Variants in GALK2 observed in about 807,000 individuals in gnomAD.
GALK2 encodes galactokinase 2, also known as N-acetylgalactosamine kinase.
Under a neutral mutation model 52.4 loss-of-function variants are expected in GALK2, and 36 were observed. That is an observed-to-expected ratio of 0.69 (90% CI 0.53 to 0.91). The LOEUF (loss-of-function observed/expected upper bound fraction) is 0.91, where lower values mean the gene tolerates loss of function less well. Ranked by LOEUF, GALK2 falls within the 40% of genes least tolerant of loss-of-function variation. The pLI is 0.00. For missense variants in GALK2, 579 were observed against 559.1 expected (o/e 1.04, Z -0.36); for synonymous variants, 176 against 199.1 (o/e 0.88, Z 0.98).
intron 8 of GALK2, among the ~76,000 whole-genome samples, chr15:49,300,768 T>C (rs544816060): frequency 6.6e-6 from 1 of 152,300 alleles, no homozygotes; most frequent in African/African-American, 2.4e-5. Flanking sequence ...ATATGTTTGC[T>C]TCTCATTCCG....
chr15:49,324,975 A>G (rs1289923767), intron 9 of GALK2, among the ~76,000 whole-genome samples: 2 of 152,208 alleles, frequency 1.3e-5, no homozygotes, highest in Non-Finnish European at 2.9e-5. Flanking sequence ...GAATTTAAAT[A>G]CAAGGCATAA....
At chr15:49,337,507 ACTTTTT>A (rs1446860306) in intron 3 of GALK2, among the ~76,000 whole-genome samples, 6 of 22,990 alleles carry the variant, frequency 2.6e-4, no homozygotes, top group African/African-American at 1.1e-3. Flanking sequence ...TCATTTACCC[ACTTTTT>A]TTTTTTTTTT....
At chr15:49,177,159 T>G (rs988510047) in intron 1 of GALK2, among the ~76,000 whole-genome samples, 1 of 152,020 alleles carries the variant, frequency 6.6e-6, no homozygotes, top group Admixed American at 6.5e-5. Flanking sequence ...AAGAACCACC[T>G]TGTAATTTTT....
At chr15:49,306,326 A>C (rs2035542069) in intron 8 of GALK2, among the ~76,000 whole-genome samples, 1 of 152,104 alleles carries the variant, frequency 6.6e-6, no homozygotes, top group South Asian at 2.1e-4. Flanking sequence ...TAAATAACAT[A>C]AGTAGAGATA....
chr15:49,281,093 C>T (rs1266180016), intron 5 of GALK2, among the ~76,000 whole-genome samples: 1 of 152,176 alleles, frequency 6.6e-6, no homozygotes, highest in African/African-American at 2.4e-5. Context: ...CCTCGGCCTC[C>T]CAAAGTGCTG....
At chr15:49,364,458 G>T (rs1596567607) in intron 3 of GALK2, among the ~76,000 whole-genome samples, 1 of 151,964 alleles carries the variant, frequency 6.6e-6, no homozygotes, top group Non-Finnish European at 1.5e-5. Flanking sequence ...TGGTGGCAAT[G>T]TCTTGTCATT....
intron 3 of GALK2, among the ~76,000 whole-genome samples, chr15:49,348,635 C>G (rs1243976345): frequency 6.6e-6 from 1 of 152,152 alleles, no homozygotes; most frequent in African/African-American, 2.4e-5. Context: ...GTTTTGTTTA[C>G]TTTCTCCTTT....
chr15:49,317,572 G>A (rs1348748964), intron 8 of GALK2, among the ~76,000 whole-genome samples: 1 of 151,976 alleles, frequency 6.6e-6, no homozygotes, highest in Non-Finnish European at 1.5e-5. Flanking sequence ...TATACCCAAA[G>A]GACTATAAAT....
At position 49,331,027 on chromosome 15, in the gene GALK2, C is replaced by T. The variant is rs2038624958; in HGVS notation, c.*2868C>T. The stretch of plus-strand genomic sequence containing the variant: ...ACTGTCCTGTTTGTATATTATACAA[C>T]ACCCAGGTGTTTCACTCTTTCTATC... On this transcript the variant is annotated 3_prime_UTR_variant, in exon 10 of 10. Coordinates refer to ENST00000560031, the MANE Select transcript of GALK2 (RefSeq NM_002044.4). 1 of 152,192 alleles carries T rather than the reference C, an allele frequency of 6.6e-6. No homozygotes were observed. Among genetic ancestry groups the T allele is most frequent in the Non-Finnish European group, 1.5e-5 (1 of 68,056 alleles). 9.4% of individuals were successfully genotyped at this position (152,192 alleles called of 1,614,324 possible). A position where few individuals can be genotyped will look rare whatever the true frequency, so the allele number is the denominator to read the frequency against.
intron 3 of GALK2, among the ~76,000 whole-genome samples, chr15:49,340,418 C>CT: frequency 7.0e-6 from 1 of 143,732 alleles, no homozygotes; most frequent in Non-Finnish European, 1.5e-5. Context: ...CCCCCTCCCC[C>CT]CCCCGCTTTG....
At chr15:49,201,092 ATGTG>A in intron 1 of GALK2, 66 bp from the exon 2 acceptor site, 1 of 645,646 alleles carries the variant, frequency 1.5e-6, no homozygotes, top group Non-Finnish European at 2.8e-6. Context: ...GTGTGTATGT[ATGTG>A]TGTGTATGTT....
At chr15:49,276,924 G>A (rs1405946896) in intron 5 of GALK2, among the ~76,000 whole-genome samples, 1 of 64,522 alleles carries the variant, frequency 1.5e-5, no homozygotes, top group African/African-American at 6.0e-5. Flanking sequence ...TTTTTTTTTG[G>A]TTTTTGTTTT....
chr15:49,276,991 A>G (rs1595928074), intron 5 of GALK2, among the ~76,000 whole-genome samples: 1 of 95,482 alleles, frequency 1.0e-5, no homozygotes, highest in South Asian at 3.4e-4. Flanking sequence ...TTTTTTTGAG[A>G]CAGAGTCTCG....
chr15:49,291,395 C>T lies in GALK2; in HGVS notation c.757-932C>T, dbSNP rs2033920403. 1.3e-5 allele frequency among the ~76,000 whole-genome samples: 2 copies of T among 151,996 alleles called. 1 individual carries two copies. The highest frequency in any genetic ancestry group is 4.2e-4 in the South Asian group (2 of 4,812). ...AGAGTACAATAGTCTTTTGGTAAAC[C>T]CCGCTTCCTGTCAAAAAGAGAAAAT... On this transcript the variant is annotated intron_variant, in intron 7 of 9. Coordinates refer to ENST00000560031, the MANE Select transcript of GALK2 (RefSeq NM_002044.4).
At chr15:49,359,936 G>T (rs1469916007) in intron 3 of GALK2, among the ~76,000 whole-genome samples, 1 of 150,318 alleles carries the variant, frequency 6.7e-6, no homozygotes, top group African/African-American at 2.5e-5. Context: ...CATGTCCTTT[G>T]TATGGACATG....
chr15:49,341,313 A>C (rs572994497), intron 3 of GALK2, among the ~76,000 whole-genome samples: 1 of 152,310 alleles, frequency 6.6e-6, no homozygotes, highest in Non-Finnish European at 1.5e-5. Flanking sequence ...ATTGGATAGA[A>C]ATAGCATTGA....
intron 3 of GALK2, among the ~76,000 whole-genome samples, chr15:49,340,858 T>G (rs1288469297): frequency 6.6e-6 from 1 of 152,142 alleles, no homozygotes; most frequent in African/African-American, 2.4e-5. Context: ...TACAGAATGG[T>G]GTTTTCTAGG....
Position 49,328,918 on chromosome 15 carries a change from T to TA in GALK2, c.*765dup. The TA allele has an allele frequency of 1.6e-6, 2 of 1,216,182 alleles. No individual in the cohort carries two copies. The highest frequency in any genetic ancestry group is 2.1e-6 in the Non-Finnish European group (2 of 969,824). 75.3% of individuals were successfully genotyped at this position (1,216,182 alleles called of 1,614,324 possible). On this transcript the variant is annotated 3_prime_UTR_variant, in exon 10 of 10. Coordinates refer to ENST00000560031, the MANE Select transcript of GALK2 (RefSeq NM_002044.4). ...CCATTACTTAATAGAAAAACTTAGA[T>TA]AAAAAACACTTTAAGACTCTTCTAT...
intron 1 of GALK2, among the ~76,000 whole-genome samples, chr15:49,184,567 C>A (rs921026461): frequency 6.6e-6 from 1 of 152,084 alleles, no homozygotes; most frequent in Non-Finnish European, 1.5e-5. Flanking sequence ...TCCTGTCTTG[C>A]TGTTTGTGAA....
Sources: gnomAD v4.1 joint callset for allele counts (sites outside exome capture counted in the v4.1 genomes callset) on GRCh38, gnomAD v4.1.1 for gene constraint, MANE v1.5 for transcripts, NCBI Gene and HGNC (gene_info 2026-07-23, HGNC 2026-07-21) for gene names.